DHX38: variants seen among roughly 807,000 people sequenced by gnomAD.
DHX38 encodes the protein pre-mRNA-splicing factor ATP-dependent RNA helicase PRP16.
DHX38 carries 100 observed loss-of-function variants against 153.1 expected under a neutral mutation model. That is an observed-to-expected ratio of 0.65 (90% CI 0.56 to 0.77). The LOEUF is 0.77. Ranked by LOEUF, DHX38 falls within the 30% of genes least tolerant of loss-of-function variation. The probability of loss-of-function intolerance (pLI) is 0.00; values close to 1 mark genes in which losing one functional copy is unlikely to be tolerated. For synonymous variants in DHX38, 650 were observed against 631.7 expected, an observed-to-expected ratio of 1.03 and a Z score of -0.43; for missense variants, 1,440 against 1,654.0, an observed-to-expected ratio of 0.87 and a Z score of 2.24.
intron 11 of DHX38, among the ~76,000 whole-genome samples, chr16:72,102,172 C>T (rs182000093): frequency 6.6e-6 from 1 of 152,224 alleles, no homozygotes; most frequent in Admixed American, 6.5e-5. Context: ...CCTCATCCTT[C>T]GAATGCCCTT....
intron 11 of DHX38, among the ~76,000 whole-genome samples, chr16:72,102,321 C>G (rs369790126): frequency 3.2e-4 from 48 of 152,248 alleles, no homozygotes; most frequent in African/African-American, 1.2e-3. Context: ...TATTGGGTGA[C>G]CAGGAGGGAC....
chr16:72,100,019 G>A (rs372555792), intron 8 of DHX38, 132 bp downstream of exon 8: 11 of 1,259,150 alleles, frequency 8.7e-6, no homozygotes, highest in Admixed American at 8.7e-5. Flanking sequence ...TCCTCTGGAG[G>A]TGGAAGAGGA....
intron 4 of DHX38, 114 bp downstream of exon 4, chr16:72,097,895 C>A: frequency 4.0e-6 from 4 of 1,007,862 alleles, no homozygotes; most frequent in Non-Finnish European, 6.0e-6. Context: ...CCGATTCTAC[C>A]ATGAACATCT....
rs139239535 is a variant in DHX38, at chr16:72,111,827, A to G, written c.3600-586A>G. ...TTACTTAGGCATGAATGACTGAATC[A>G]TTGTCATGTGGTAGAGCTCAGCCTC... is the stretch of plus-strand genomic sequence containing the variant. On this transcript the variant is annotated intron_variant, in intron 26 of 26. Coordinates refer to ENST00000268482, the MANE Select transcript of DHX38 (RefSeq NM_014003.4). Among the ~76,000 whole-genome samples, 17 of 152,244 alleles carry G rather than the reference A, an allele frequency of 1.1e-4. 1 individual carries two copies. The East Asian group carries it at 2.7e-3, about 24-fold the overall frequency.
chr16:72,108,030 T>A (rs552525645), intron 21 of DHX38, among the ~76,000 whole-genome samples, 197 bp from the exon 22 acceptor site: 1 of 152,346 alleles, frequency 6.6e-6, no homozygotes, highest in South Asian at 2.1e-4. Flanking sequence ...TCTTCTAGTA[T>A]GGTTGCTCTT....
chr16:72,112,144 A>T, intron 26 of DHX38: 1 of 508,700 alleles, frequency 2.0e-6, no homozygotes, highest in South Asian at 2.8e-5. Flanking sequence ...AGGTGGAGGG[A>T]AGCTGCTTTT....
chr16:72,110,181 G>C (rs1373693762), intron 25 of DHX38, among the ~76,000 whole-genome samples: 2 of 152,208 alleles, frequency 1.3e-5, no homozygotes, highest in East Asian at 3.8e-4. Context: ...GGAGCAGCCA[G>C]GTCATTTGTC....
At chr16:72,103,302 A>G in intron 12 of DHX38, 91 bp downstream of exon 12, 2 of 1,507,516 alleles carry the variant, frequency 1.3e-6, no homozygotes, top group South Asian at 1.3e-5. Context: ...TCTTTTGTGC[A>G]TTGCACCCAG....
rs1292376278 is a variant in DHX38 at position 72,105,224 on chromosome 16, G to T, written c.2263-8G>T. The T allele has an allele frequency of 6.2e-7, 1 of 1,614,126 alleles. No homozygotes were observed. The highest frequency in any genetic ancestry group is 1.7e-5 in the Admixed American group (1 of 60,028). On this transcript the variant is annotated splice_region_variant and splice_polypyrimidine_tract_variant and intron_variant, in intron 16 of 26. Coordinates refer to ENST00000268482, the MANE Select transcript of DHX38 (RefSeq NM_014003.4). ...CCAGTGTCTCACAGCTCCTCCCTGG[G>T]CTCTCAGGTGACCTCAGACCAGATT... is the stretch of plus-strand genomic sequence containing the variant.
At chr16:72,095,921 G>GTGTGTA (rs1555536886) in intron 1 of DHX38, among the ~76,000 whole-genome samples, 1 of 150,946 alleles carries the variant, frequency 6.6e-6, no homozygotes, top group African/African-American at 2.4e-5. Context: ...GTGTGTGTGT[G>GTGTGTA]TATCTATTTT....
rs1449862829 is a variant in DHX38 at position 72,103,800 on chromosome 16, T to G, written c.1824+12T>G. On this transcript the variant is annotated intron_variant, in intron 13 of 26. Transcript: ENST00000268482. ...ACCTTGGCGAGGAGGTGAGTGGGCG[T>G]GGGGGCTGAGCCATGTAGTTATTCC... 6.2e-7 allele frequency: 1 copy of G among 1,607,676 alleles called. No individual in the cohort carries two copies. The highest frequency in any genetic ancestry group is 1.1e-5 in the South Asian group (1 of 90,946).
intron 8 of DHX38, 64 bp downstream of exon 8, chr16:72,099,951 C>G: frequency 2.6e-6 from 4 of 1,537,352 alleles, no homozygotes; most frequent in Non-Finnish European, 3.5e-6. Context: ...GGGGAAGCAG[C>G]AGGTTATCCC....
rs148934675 is a variant in DHX38 at position 72,099,025 on chromosome 16, C to T, written c.863C>T (p.Pro288Leu). Residue 288 changes from proline (P) to leucine (L), a missense_variant, in exon 6 of 27, where the codon CCG becomes CTG. By Grantham distance (98) the Pro-to-Leu change is moderately conservative (BLOSUM62 -3). Coordinates refer to ENST00000268482, the MANE Select transcript of DHX38 (RefSeq NM_014003.4). ...GACAGAAGACACTTGGGGTCCACCC[C>T]GCGTCTGTCCAGGGGCCGAGGTGAG... ...ADDRRHLGST[P>L]RLSRGRGRRE... 110 of 1,612,648 alleles carry T rather than the reference C, an allele frequency of 6.8e-5. No homozygotes were observed. Among genetic ancestry groups the T allele is most frequent in the Non-Finnish European group, 6.3e-5 (74 of 1,180,026 alleles).
chr16:72,101,805 C>G (rs1273364139), intron 11 of DHX38, among the ~76,000 whole-genome samples, 193 bp downstream of exon 11: 2 of 152,166 alleles, frequency 1.3e-5, no homozygotes, highest in African/African-American at 2.4e-5. Flanking sequence ...ATATGTGATT[C>G]CTCCTCCCTC....
intron 23 of DHX38, 41 bp downstream of exon 23, chr16:72,108,648 C>T: frequency 6.2e-7 from 1 of 1,603,712 alleles, no homozygotes; most frequent in African/African-American, 1.3e-5. Context: ...AGCCTGATAC[C>T]TGTATAAGGG....
At chr16:72,111,138 C>T (rs932084959) in intron 26 of DHX38, 61 bp downstream of exon 26, 6 of 1,489,666 alleles carry the variant, frequency 4.0e-6, no homozygotes, top group African/African-American at 1.4e-5. Flanking sequence ...CTGCCAGAGA[C>T]CAGGCCCTGA....
rs2042040924 is a variant in DHX38 at position 72,097,726 on chromosome 16, G to A, written c.561G>A (p.Gly187=). The change falls in exon 4 of 27, where the codon GGG becomes GGA. Residue 187 remains glycine, a synonymous_variant. Transcript: ENST00000268482. ...GCAGCAGATCAGAGCGAGATGGAGGGTCAGAGCGTAGCAGCAGAAGAAATG... is the reference window on the plus strand; with the variant it reads ...GCAGCAGATCAGAGCGAGATGGAGGATCAGAGCGTAGCAGCAGAAGAAATG... ...RHSSRSERDG[G]SERSSRRNEP... 2 of 1,613,962 alleles carry A rather than the reference G, an allele frequency of 1.2e-6. No homozygotes were observed. Among genetic ancestry groups the A allele is most frequent in the Non-Finnish European group, 1.7e-6 (2 of 1,179,936 alleles).
intron 26 of DHX38, 55 bp downstream of exon 26, chr16:72,111,132 C>T: frequency 6.7e-7 from 1 of 1,501,690 alleles, no homozygotes; most frequent in Non-Finnish European, 8.9e-7. Flanking sequence ...AGGAGGCTGC[C>T]AGAGACCAGG....
chr16:72,096,955 G>T lies in DHX38; in HGVS notation c.457G>T (p.Asp153Tyr). ...CTATGCCTCGTCCAAAGAAGAAAAGGATTGGAAGAAGGAGAAATCGCGGGA... is the reference window on the plus strand; with the variant it reads ...CTATGCCTCGTCCAAAGAAGAAAAGTATTGGAAGAAGGAGAAATCGCGGGA... ...GVYASSKEEK[D>Y]WKKEKSRDRD... The change falls in exon 3 of 27, where the codon GAT (aspartate) becomes TAT (tyrosine). Residue 153 changes from aspartate to tyrosine, a missense_variant. This residue lies in a region of DHX38 where 483 missense variants were observed against 465.1 expected (regional missense o/e 1.04). Coordinates refer to ENST00000268482, the MANE Select transcript of DHX38 (RefSeq NM_014003.4). The T allele has an allele frequency of 6.2e-7, 1 of 1,614,114 alleles. No individual in the cohort carries two copies. The highest frequency in any genetic ancestry group is 8.5e-7 in the Non-Finnish European group (1 of 1,180,008).
Sources: allele counts gnomAD v4.1 joint callset (sites outside exome capture counted in the v4.1 genomes callset), GRCh38; gene constraint gnomAD v4.1.1; regional missense constraint gnomAD v4.1.1; transcripts MANE v1.5; gene names NCBI Gene and HGNC (gene_info 2026-07-23, HGNC 2026-07-21).